Variants in ETV5 observed in about 807,000 individuals in gnomAD.
ETV5 encodes ETS translocation variant 5.
Under a neutral mutation model 70.0 loss-of-function variants are expected in ETV5, and 10 were observed. The observed-to-expected ratio is 0.14, with a 90% CI of 0.09 to 0.24. The LOEUF (loss-of-function observed/expected upper bound fraction) is 0.24. Among genes scored for constraint, ETV5 ranks in the 10% least tolerant of loss-of-function variants. The pLI is 1.00. For synonymous variants in ETV5, 216 were observed against 242.2 expected (o/e 0.89, Z 1.01); for missense variants, 453 against 651.2 (o/e 0.70, Z 3.31).
At chr3:186,063,506 A>C (rs1713361173) in intron 9 of ETV5, among the ~76,000 whole-genome samples, 1 of 152,194 alleles carries the variant, frequency 6.6e-6, no homozygotes, top group South Asian at 2.1e-4. Flanking sequence ...TCAGAGACTT[A>C]CTGAATTAAG....
chr3:186,084,676 A>G (rs1343409021), intron 5 of ETV5, among the ~76,000 whole-genome samples: 1 of 152,096 alleles, frequency 6.6e-6, no homozygotes, highest in Non-Finnish European at 1.5e-5. Context: ...ACATTTATAG[A>G]TAAGGATCCT....
rs138683352 is a variant in ETV5, at chr3:186,048,758, C to T, written c.1414G>A (p.Glu472Lys). The change falls in exon 13 of 13, where the codon GAG becomes AAG. Residue 472 changes from glutamate (E) to lysine (K), a missense_variant. By Grantham distance (56) the Glu-to-Lys change is moderately conservative. Coordinates refer to ENST00000306376, the MANE Select transcript of ETV5 (RefSeq NM_004454.3). ...NQRPFLKAES[E>K]CHLSEEDTLP... ...GTGTCCTCCTCGCTGAGGTGGCACT[C>T]GGACTCTGCCTTCAGGAACGGACGC... The T allele has an allele frequency of 6.2e-6, 10 of 1,613,974 alleles. No individual in the cohort carries two copies. The highest frequency in any genetic ancestry group is 1.3e-5 in the African/African-American group (1 of 74,894).
intron 7 of ETV5, among the ~76,000 whole-genome samples, chr3:186,077,569 A>T (rs1196122399): frequency 6.6e-6 from 1 of 152,222 alleles, no homozygotes; most frequent in Non-Finnish European, 1.5e-5. Context: ...CATGCTTTAA[A>T]TAAAGGTAGG....
At chr3:186,083,940 G>C (rs1413991668) in intron 5 of ETV5, among the ~76,000 whole-genome samples, 4 of 152,302 alleles carry the variant, frequency 2.6e-5, no homozygotes, top group African/African-American at 7.2e-5. Flanking sequence ...TGTGGGACTA[G>C]AGGATGTGTG....
At chr3:186,108,813 C>T in intron 1 of ETV5, 127 bp downstream of exon 1, 1 of 298,324 alleles carries the variant, frequency 3.4e-6, no homozygotes, top group Non-Finnish European at 6.2e-6. Context: ...GGGGGGGTCA[C>T]CCCAGCTACT....
intron 7 of ETV5, among the ~76,000 whole-genome samples, chr3:186,070,032 G>A (rs1713563372): frequency 6.6e-6 from 1 of 151,874 alleles, no homozygotes; most frequent in Non-Finnish European, 1.5e-5. Flanking sequence ...GGCTGGTTTC[G>A]AACTCCTGAC....
At chr3:186,088,670 A>G (rs1343559404) in intron 5 of ETV5, among the ~76,000 whole-genome samples, 1 of 152,202 alleles carries the variant, frequency 6.6e-6, no homozygotes, top group African/African-American at 2.4e-5. Flanking sequence ...AGGGACATGG[A>G]AAAATAACAA....
At chr3:186,081,279 G>T in intron 5 of ETV5, 104 bp from the exon 6 acceptor site, 1 of 1,185,622 alleles carries the variant, frequency 8.4e-7, no homozygotes, top group East Asian at 2.7e-5. Flanking sequence ...GATTGTTCTT[G>T]GAACTCATGT....
Position 186,105,804 on chromosome 3 carries a change from C to T in ETV5, c.45+20G>A. 1 of 1,612,696 alleles carries T rather than the reference C, an allele frequency of 6.2e-7. No individual in the cohort carries two copies. Among genetic ancestry groups the T allele is most frequent in the Non-Finnish European group, 8.5e-7 (1 of 1,178,748 alleles). On this transcript the variant is annotated intron_variant, in intron 2 of 12. Coordinates refer to ENST00000306376, the MANE Select transcript of ETV5 (RefSeq NM_004454.3). This position sits in a 1 kb window ranked among gnomAD's most constrained non-coding sequence, Gnocchi z 4.5. Reference sequence around the variant, plus strand: ...ATTGGAGAGGGAGGACAAAACAAACCAAAAGCCACATAAACTTACCCCTGG... The same window carrying T: ...ATTGGAGAGGGAGGACAAAACAAACTAAAAGCCACATAAACTTACCCCTGG...
intron 1 of ETV5, among the ~76,000 whole-genome samples, chr3:186,108,169 T>TTCCCCTCG (rs1714641666): frequency 8.8e-6 from 1 of 113,028 alleles, no homozygotes; most frequent in East Asian, 3.1e-4. Context: ...CGACCAGGAG[T>TTCCCCTCG]TCGGTTCCCC....
intron 7 of ETV5, among the ~76,000 whole-genome samples, chr3:186,069,020 A>C (rs574868705): frequency 5.3e-4 from 81 of 152,308 alleles, no homozygotes; most frequent in Admixed American, 2.4e-3. Context: ...AAATAGTTTG[A>C]ATTTGATTTG....
rs1371292749 is a variant in ETV5, at chr3:186,064,402, A to G, written c.970+15T>C. On this transcript the variant is annotated intron_variant, in intron 9 of 12. Coordinates refer to ENST00000306376, the MANE Select transcript of ETV5 (RefSeq NM_004454.3). ...GGAGAGAGGAGAGAAGAGGAAAGAA[A>G]AGCAGGTTCCTTACCTTCATGGCTG... 1 of 1,613,424 alleles carries G rather than the reference A, an allele frequency of 6.2e-7. No homozygotes were observed. The highest frequency in any genetic ancestry group is 1.7e-5 in the Admixed American group (1 of 60,012).
intron 7 of ETV5, among the ~76,000 whole-genome samples, chr3:186,071,866 C>T (rs1395773479): frequency 1.3e-5 from 2 of 151,590 alleles, no homozygotes; most frequent in Admixed American, 6.6e-5. Context: ...GGCGCGATCT[C>T]GGCTCACCGC....
intron 5 of ETV5, among the ~76,000 whole-genome samples, chr3:186,093,537 T>C (rs1030238794): frequency 6.6e-6 from 1 of 152,170 alleles, no homozygotes; most frequent in Admixed American, 6.5e-5. Flanking sequence ...GCACAGGGTA[T>C]CTGGCAATCA....
chr3:186,074,095 T>C (rs1266964311), intron 7 of ETV5, among the ~76,000 whole-genome samples: 1 of 152,090 alleles, frequency 6.6e-6, no homozygotes, highest in East Asian at 1.9e-4. Flanking sequence ...AAGACAATAT[T>C]GTCTGCCAAG....
In ETV5 at chr3:186,098,979, C is replaced by T. The variant is rs372349008; in HGVS notation, c.232+6326G>A. Among the ~76,000 whole-genome samples the T allele has an allele frequency of 3.3e-5, 5 of 152,212 alleles. No homozygotes were observed. In the East Asian group the frequency reaches 7.7e-4, roughly 23 times the overall value. On this transcript the variant is annotated intron_variant, in intron 5 of 12. Coordinates refer to ENST00000306376, the MANE Select transcript of ETV5 (RefSeq NM_004454.3). ...TTCAGATCAGCCTCAAACTCCTGGC[C>T]TTTTAATAACTAGATCTTATCCTGC...
At chr3:186,072,860 C>T (rs531774893) in intron 7 of ETV5, among the ~76,000 whole-genome samples, 3 of 152,200 alleles carry the variant, frequency 2.0e-5, no homozygotes, top group South Asian at 4.1e-4. Flanking sequence ...TTTGGCTGGG[C>T]GTGGTGGTGC....
intron 8 of ETV5, among the ~76,000 whole-genome samples, chr3:186,065,560 T>A (rs1321555361): frequency 1.3e-5 from 2 of 152,224 alleles, no homozygotes; most frequent in African/African-American, 4.8e-5. Context: ...CTCAGAGATG[T>A]ACTTCATACC....
intron 11 of ETV5, among the ~76,000 whole-genome samples, chr3:186,056,218 T>A (rs1317606060): frequency 6.6e-6 from 1 of 152,146 alleles, no homozygotes; most frequent in Non-Finnish European, 1.5e-5. Context: ...TTTTTTCCTA[T>A]TAAAATAACT....
Sources: gnomAD v4.1 joint callset for allele counts (sites outside exome capture counted in the v4.1 genomes callset) on GRCh38, gnomAD v4.1.1 for gene constraint, Gnocchi (gnomAD v3.1) non-coding constraint, MANE v1.5 for transcripts, NCBI Gene and HGNC (gene_info 2026-07-23, HGNC 2026-07-21) for gene names.